The following CARF variants were observed in gnomAD, a reference collection of about 807,000 sequenced individuals.
CARF encodes calcium responsive transcription factor, also known as calcium-responsive transcription factor.
In CARF, 57 loss-of-function variants were observed where a neutral mutation model predicts 82.0. The ratio of observed to expected loss-of-function variants is 0.70; its 90% CI spans 0.56 to 0.87. The LOEUF (loss-of-function observed/expected upper bound fraction) is 0.87. Among genes scored for constraint, CARF ranks in the 40% least tolerant of loss-of-function variants. The probability of loss-of-function intolerance (pLI) is 0.00; values close to 1 mark genes in which losing one functional copy is unlikely to be tolerated. For synonymous variants in CARF, 268 were observed against 290.1 expected (o/e 0.92, Z 0.77); for missense variants, 771 against 855.8 (o/e 0.90, Z 1.24).
chr2:202,915,422 T>C (rs994713840), intron 1 of CARF, among the ~76,000 whole-genome samples: 1 of 152,148 alleles, frequency 6.6e-6, no homozygotes, highest in Non-Finnish European at 1.5e-5. Flanking sequence ...GCCTCCCCAA[T>C]AGCTGCGATT....
Position 202,985,474 on chromosome 2 carries a change from A to G in CARF, c.*1850A>G, listed in dbSNP as rs922923263. 2 of 152,120 alleles carry G rather than the reference A, an allele frequency of 1.3e-5. No individual in the cohort carries two copies. The highest frequency in any genetic ancestry group is 2.9e-5 in the Non-Finnish European group (2 of 68,000). 9.4% of individuals were successfully genotyped at this position (152,120 alleles called of 1,614,324 possible). A position where few individuals can be genotyped will look rare whatever the true frequency, so the allele number is the denominator to read the frequency against. The stretch of plus-strand genomic sequence containing the variant: ...ATATTTAGTTATATGTATGATTTTT[A>G]ATAAAAATTACTTTACTTTTTCCTA... On this transcript the variant is annotated 3_prime_UTR_variant, in exon 17 of 17. Transcript: ENST00000438828.
chr2:202,920,199 G>C (rs1224300602), intron 2 of CARF, among the ~76,000 whole-genome samples: 1 of 149,788 alleles, frequency 6.7e-6, no homozygotes, highest in Non-Finnish European at 1.5e-5. Context: ...CTGTCGCCCA[G>C]GCTGGAGTGC....
At chr2:202,927,839 C>T (rs1692154591) in intron 3 of CARF, among the ~76,000 whole-genome samples, 1 of 151,030 alleles carries the variant, frequency 6.6e-6, no homozygotes, top group South Asian at 2.1e-4. Context: ...CACTCTTGTC[C>T]CCTAGGCTGG....
intron 6 of CARF, 61 bp from the exon 7 acceptor site, chr2:202,953,944 T>C (rs1340475654): frequency 2.1e-6 from 3 of 1,443,998 alleles, no homozygotes; most frequent in South Asian, 3.0e-5. Flanking sequence ...TTTAGTTAGG[T>C]ATATTCTTAT....
intron 8 of CARF, among the ~76,000 whole-genome samples, chr2:202,956,872 T>A (rs1436588656): frequency 6.6e-6 from 1 of 152,158 alleles, no homozygotes; most frequent in Non-Finnish European, 1.5e-5. Flanking sequence ...CACTGCAACC[T>A]CCACCTCCCA....
intron 10 of CARF, among the ~76,000 whole-genome samples, chr2:202,968,016 TAAGTA>T (rs1193677827): frequency 1.3e-5 from 2 of 152,204 alleles, no homozygotes; most frequent in African/African-American, 4.8e-5. Flanking sequence ...TTTAAACTAT[TAAGTA>T]AAATAAAAAA....
At chr2:202,936,022 G>A (rs1397397446) in intron 3 of CARF, among the ~76,000 whole-genome samples, 1 of 151,996 alleles carries the variant, frequency 6.6e-6, no homozygotes, top group African/African-American at 2.4e-5. Context: ...TGGGATCTCA[G>A]GCTGGTCTTG....
intron 3 of CARF, chr2:202,925,110 G>A (rs1203497428): frequency 5.2e-6 from 2 of 384,324 alleles, no homozygotes; most frequent in Non-Finnish European, 1.0e-5. Context: ...TGAGCCAGGA[G>A]CAGCTGAAGC....
At chr2:202,943,686 C>T (rs547560851) in intron 5 of CARF, among the ~76,000 whole-genome samples, 70 of 148,718 alleles carry the variant, frequency 4.7e-4, no homozygotes, top group African/African-American at 1.7e-3. Flanking sequence ...CTTGCTCTGT[C>T]GCCAAGGCTG....
At chr2:202,978,537 A>G (rs2060123899) in intron 14 of CARF, among the ~76,000 whole-genome samples, 1 of 152,226 alleles carries the variant, frequency 6.6e-6, no homozygotes, top group Non-Finnish European at 1.5e-5. Context: ...GAAAGGTTTC[A>G]AGAAGGGTGG....
chr2:202,925,215 T>A (rs887155114), intron 3 of CARF: 1 of 345,698 alleles, frequency 2.9e-6, no homozygotes, highest in African/African-American at 2.1e-5. Context: ...AGAATGAATT[T>A]GTCCTCATCA....
At chr2:202,921,779 A>G (rs1690841294) in intron 2 of CARF, among the ~76,000 whole-genome samples, 1 of 152,208 alleles carries the variant, frequency 6.6e-6, no homozygotes, top group Non-Finnish European at 1.5e-5. Context: ...CTATATTAAC[A>G]TAATATTTGT....
chr2:202,983,697 A>G lies in CARF; in HGVS notation c.*73A>G. On this transcript the variant is annotated 3_prime_UTR_variant, in exon 17 of 17. Transcript: ENST00000438828. ...TTAGAAAGGAAGGTGAATATAGTCAAAGCGTGGCATTGAGATAATTGGACT... is the reference window on the plus strand; with the variant it reads ...TTAGAAAGGAAGGTGAATATAGTCAGAGCGTGGCATTGAGATAATTGGACT... 1 of 919,408 alleles carries G rather than the reference A, an allele frequency of 1.1e-6. No homozygotes were observed. Among genetic ancestry groups the G allele is most frequent in the Non-Finnish European group, 1.7e-6 (1 of 574,536 alleles). 57.0% of individuals were successfully genotyped at this position (919,408 alleles called of 1,614,324 possible). A position where few individuals can be genotyped will look rare whatever the true frequency, so the allele number is the denominator to read the frequency against.
At chr2:202,931,391 A>G (rs895651390) in intron 3 of CARF, among the ~76,000 whole-genome samples, 1 of 152,246 alleles carries the variant, frequency 6.6e-6, no homozygotes, top group South Asian at 2.1e-4. Context: ...GCTTCCAGCC[A>G]ATAGTAAGCT....
At chr2:202,928,701 T>G (rs542252271) in intron 3 of CARF, among the ~76,000 whole-genome samples, 2 of 152,306 alleles carry the variant, frequency 1.3e-5, no homozygotes, top group East Asian at 3.9e-4. Flanking sequence ...TTGATTTGTA[T>G]TTACCCGATT....
At chr2:202,967,549 T>C (rs1282726131) in intron 10 of CARF, among the ~76,000 whole-genome samples, 2 of 152,196 alleles carry the variant, frequency 1.3e-5, no homozygotes, top group African/African-American at 2.4e-5. Context: ...TCAGTGTATC[T>C]CAAAGCTGAC....
intron 12 of CARF, 64 bp downstream of exon 12, chr2:202,971,802 G>A: frequency 8.3e-7 from 1 of 1,198,834 alleles, no homozygotes; most frequent in Non-Finnish European, 1.2e-6. Context: ...AAATAATACA[G>A]TGAACATTGG....
At chr2:202,958,443 A>C (rs1312753569) in intron 8 of CARF, among the ~76,000 whole-genome samples, 1 of 152,106 alleles carries the variant, frequency 6.6e-6, no homozygotes, top group Non-Finnish European at 1.5e-5. Context: ...CATGCAACCA[A>C]ATCACCTTAT....
At chr2:202,940,751 C>T (rs1181710628) in intron 3 of CARF, among the ~76,000 whole-genome samples, 1 of 152,060 alleles carries the variant, frequency 6.6e-6, no homozygotes, top group Non-Finnish European at 1.5e-5. Flanking sequence ...TGTATTAGAA[C>T]TACCCTTGGG....
Sources: gnomAD v4.1 joint callset for allele counts (sites outside exome capture counted in the v4.1 genomes callset) on GRCh38, gnomAD v4.1.1 for gene constraint, MANE v1.5 for transcripts, NCBI Gene and HGNC (gene_info 2026-07-23, HGNC 2026-07-21) for gene names.